The following DCUN1D1 variants were observed in gnomAD, a reference collection of about 807,000 sequenced individuals.
DCUN1D1 encodes DCN1-like protein 1.
In DCUN1D1, 3 loss-of-function variants were observed where a neutral mutation model predicts 39.0. That is an observed-to-expected ratio of 0.08 (90% CI 0.04 to 0.20). The LOEUF is 0.20. Ranked by LOEUF, DCUN1D1 falls within the 10% of genes least tolerant of loss-of-function variation. The pLI, the probability that DCUN1D1 is intolerant of heterozygous loss-of-function variation, is 1.00. For synonymous variants in DCUN1D1, 82 were observed against 96.3 expected, an observed-to-expected ratio of 0.85 and a Z score of 0.87; for missense variants, 158 against 302.4, an observed-to-expected ratio of 0.52 and a Z score of 3.54.
chr3:182,962,849 C>T (rs1002180569), intron 3 of DCUN1D1, among the ~76,000 whole-genome samples: 2 of 152,104 alleles, frequency 1.3e-5, no homozygotes, highest in African/African-American at 2.4e-5. Context: ...GGCGTGATCT[C>T]GGCTCACCAC....
chr3:182,966,522 A>G (rs1305448649), intron 1 of DCUN1D1, among the ~76,000 whole-genome samples: 1 of 152,150 alleles, frequency 6.6e-6, no homozygotes, highest in Admixed American at 6.5e-5. Context: ...AGAGAGGGGA[A>G]GAGGTGAAGA....
upstream of DCUN1D1, chr3:182,980,626 A>T (rs1225539677): frequency 1.3e-5 from 13 of 1,023,030 alleles, no homozygotes; most frequent in South Asian, 2.6e-4. Context: ...CGGCCCGAGG[A>T]GGCAGCCCCG....
upstream of DCUN1D1, among the ~76,000 whole-genome samples, chr3:182,981,437 G>A (rs1728547257): frequency 6.6e-6 from 1 of 152,216 alleles, no homozygotes. Flanking sequence ...TCTGAGCTGA[G>A]GATCAAGTGG....
intron 4 of DCUN1D1, among the ~76,000 whole-genome samples, chr3:182,960,258 C>A (rs886095584): frequency 6.8e-6 from 1 of 147,626 alleles, no homozygotes; most frequent in Admixed American, 6.9e-5. Flanking sequence ...CCCACAAATT[C>A]CAATTTAAAC....
rs1476550897 is a variant in DCUN1D1, at chr3:182,943,387, T to C, written c.*1707A>G. On this transcript the variant is annotated 3_prime_UTR_variant, in exon 7 of 7. Transcript: ENST00000292782. Reference sequence around the variant, plus strand: ...TAATAACCAATTCCAGTAGCCTGAATAGAAATTTTCAAATTTTTCTTTTGG... The same window carrying C: ...TAATAACCAATTCCAGTAGCCTGAACAGAAATTTTCAAATTTTTCTTTTGG... The C allele has an allele frequency of 6.6e-6, 1 of 152,494 alleles. No individual in the cohort carries two copies. Among genetic ancestry groups the C allele is most frequent in the East Asian group, 1.9e-4 (1 of 5,204 alleles). The allele number at this position is 152,494 out of a possible 1,614,324, so 9.4% of individuals were successfully genotyped here. A position where few individuals can be genotyped will look rare whatever the true frequency, so the allele number is the denominator to read the frequency against.
At chr3:182,971,132 T>G (rs1482382604) in intron 1 of DCUN1D1, among the ~76,000 whole-genome samples, 1 of 152,240 alleles carries the variant, frequency 6.6e-6, no homozygotes. Context: ...AATGGCTGTA[T>G]GACTTTGGGA....
rs545356362 is a variant in DCUN1D1 at position 182,946,364 on chromosome 3, T to C, written c.700+874A>G. On this transcript the variant is annotated intron_variant, in intron 6 of 6. Coordinates refer to ENST00000292782, the MANE Select transcript of DCUN1D1 (RefSeq NM_020640.4). ...CAAGGTCAGGAGTTCAACACCAGCCTGGCCAACATGGTGAAACCCCGTCTC... is the reference window on the plus strand; with the variant it reads ...CAAGGTCAGGAGTTCAACACCAGCCCGGCCAACATGGTGAAACCCCGTCTC... Among the ~76,000 whole-genome samples, 475 of 152,084 alleles carry C rather than the reference T, an allele frequency of 3.1e-3. 4 individuals are homozygous for C. Among genetic ancestry groups the C allele is most frequent in the African/African-American group, 0.011 (456 of 41,484 alleles).
upstream of DCUN1D1, among the ~76,000 whole-genome samples, chr3:182,982,652 T>G (rs1208485379): frequency 6.6e-6 from 1 of 152,154 alleles, no homozygotes; most frequent in Non-Finnish European, 1.5e-5. Flanking sequence ...TATTTTTTTG[T>G]TTGTTTTTGA....
At chr3:182,965,103 T>C (rs1727605081) in intron 2 of DCUN1D1, among the ~76,000 whole-genome samples, 1 of 152,320 alleles carries the variant, frequency 6.6e-6, no homozygotes, top group South Asian at 2.1e-4. Context: ...ATAAAAGATA[T>C]GGAAGGATCC....
chr3:182,945,309 T>C, intron 6 of DCUN1D1, 136 bp from the exon 7 acceptor site: 1 of 640,996 alleles, frequency 1.6e-6, no homozygotes, highest in East Asian at 3.2e-5. Context: ...TCCCACTGAT[T>C]AAGTCTTTCA....
Position 182,941,957 on chromosome 3 carries a change from C to A in DCUN1D1, c.*3137G>T, listed in dbSNP as rs1726154764. ...ACATTAAGTTAGCTACTACTACTCA[C>A]TTCTTGATTATCATCAAATAAAAAA... On this transcript the variant is annotated 3_prime_UTR_variant, in exon 7 of 7. Coordinates refer to ENST00000292782, the MANE Select transcript of DCUN1D1 (RefSeq NM_020640.4). The A allele has an allele frequency of 6.6e-6, 1 of 152,066 alleles. No individual in the cohort carries two copies. The highest frequency in any genetic ancestry group is 2.4e-5 in the African/African-American group (1 of 41,436). The allele number at this position is 152,066 out of a possible 1,614,324, so 9.4% of individuals were successfully genotyped here. A position where few individuals can be genotyped will look rare whatever the true frequency, so the allele number is the denominator to read the frequency against.
At chr3:182,973,355 TTAA>T (rs1266115793) in intron 1 of DCUN1D1, among the ~76,000 whole-genome samples, 1 of 152,198 alleles carries the variant, frequency 6.6e-6, no homozygotes, top group African/African-American at 2.4e-5. Flanking sequence ...GAACTTTTCA[TTAA>T]TATTTTCAGA....
At chr3:182,967,032 G>A (rs534427779) in intron 1 of DCUN1D1, among the ~76,000 whole-genome samples, 8 of 152,070 alleles carry the variant, frequency 5.3e-5, no homozygotes, top group Admixed American at 3.9e-4. Flanking sequence ...GCTTGAACCC[G>A]GGAGGCAGAG....
At chr3:182,964,109 G>A in intron 2 of DCUN1D1, 60 bp from the exon 3 acceptor site, 1 of 1,442,266 alleles carries the variant, frequency 6.9e-7, no homozygotes, top group Admixed American at 2.0e-5. Context: ...TATGAAAACT[G>A]AAAAAGGTAA....
At chr3:182,981,587 C>G (rs1184270014), upstream of DCUN1D1, among the ~76,000 whole-genome samples, 1 of 152,168 alleles carries the variant, frequency 6.6e-6, no homozygotes, top group East Asian at 1.9e-4. Context: ...CAAACTCACT[C>G]AGAAAGTCAC....
chr3:182,947,816 C>CA (rs751120205), intron 4 of DCUN1D1, among the ~76,000 whole-genome samples, 184 bp from the exon 5 acceptor site: 2 of 152,180 alleles, frequency 1.3e-5, no homozygotes, highest in Non-Finnish European at 2.9e-5. Flanking sequence ...CCTCCCTCTT[C>CA]AAAAATGACC....
At chr3:182,961,829 A>G (rs1443146955) in intron 3 of DCUN1D1, among the ~76,000 whole-genome samples, 1 of 152,236 alleles carries the variant, frequency 6.6e-6, no homozygotes, top group East Asian at 1.9e-4. Flanking sequence ...ACAGTACAGG[A>G]GTAAACAGGT....
At position 182,941,826 on chromosome 3, in the gene DCUN1D1, CCTT is replaced by C. The variant is rs2108615333; in HGVS notation, c.*3265_*3267del. The C allele has an allele frequency of 6.6e-6, 1 of 152,162 alleles. No individual in the cohort carries two copies. The highest frequency in any genetic ancestry group is 1.9e-4 in the East Asian group (1 of 5,190). 9.4% of individuals were successfully genotyped at this position (152,162 alleles called of 1,614,324 possible). A position where few individuals can be genotyped will look rare whatever the true frequency, so the allele number is the denominator to read the frequency against. On this transcript the variant is annotated 3_prime_UTR_variant, in exon 7 of 7. Transcript: ENST00000292782. Reference sequence around the variant, plus strand: ...AGCACCACTTTTTTATTCCAAAACTCCTTCGATTAGGTTTAACTTTCTCCTGTC... The same window carrying C: ...AGCACCACTTTTTTATTCCAAAACTCCGATTAGGTTTAACTTTCTCCTGTC...
intron 1 of DCUN1D1, chr3:182,980,127 G>C (rs895998819): frequency 9.5e-6 from 9 of 942,762 alleles, no homozygotes; most frequent in Non-Finnish European, 1.1e-5. Flanking sequence ...CCGGCAGAGG[G>C]GCAGGGGCAA....
Sources: allele counts gnomAD v4.1 joint callset (sites outside exome capture counted in the v4.1 genomes callset), GRCh38; gene constraint gnomAD v4.1.1; transcripts MANE v1.5; gene names NCBI Gene and HGNC (gene_info 2026-07-23, HGNC 2026-07-21).